GSE1: variants seen among roughly 807,000 people sequenced by gnomAD.
GSE1 encodes genetic suppressor element 1.
Under a neutral mutation model 112.6 loss-of-function variants are expected in GSE1, and 32 were observed. The ratio of observed to expected loss-of-function variants is 0.28; its 90% CI spans 0.21 to 0.38. GSE1 has a LOEUF of 0.38. GSE1 is among the 10% of genes least tolerant of loss of function. The pLI is 1.00. For synonymous variants in GSE1, 1,115 were observed against 735.6 expected (o/e 1.52, Z -8.35); for missense variants, 2,348 against 1,699.2 (o/e 1.38, Z -6.71).
chr16:85,657,949 C>T (rs946918210), intron 8 of GSE1, among the ~76,000 whole-genome samples: 2 of 152,218 alleles, frequency 1.3e-5, no homozygotes, highest in African/African-American at 4.8e-5. Flanking sequence ...CTAATAATAC[C>T]TGTTCTCTCC....
At chr16:85,621,364 C>T (rs186826033) in intron 1 of GSE1, among the ~76,000 whole-genome samples, 8 of 152,362 alleles carry the variant, frequency 5.3e-5, no homozygotes, top group East Asian at 1.9e-4. Flanking sequence ...TTGTGTCCAC[C>T]GCCCCCCGTG....
At chr16:85,670,079 G>C (rs1261347869) in intron 14 of GSE1, among the ~76,000 whole-genome samples, 1 of 152,138 alleles carries the variant, frequency 6.6e-6, no homozygotes, top group Non-Finnish European at 1.5e-5. Flanking sequence ...CCATGAATAT[G>C]GTACAAAACT....
At chr16:85,261,755 T>A (rs1567646707) in intron 1 of GSE1, among the ~76,000 whole-genome samples, 1 of 152,144 alleles carries the variant, frequency 6.6e-6, no homozygotes, top group East Asian at 1.9e-4. Flanking sequence ...GCTAAGCACT[T>A]TGTATGCCAG....
At chr16:85,548,081 T>G (rs1251934462) in intron 2 of GSE1, among the ~76,000 whole-genome samples, 1 of 151,226 alleles carries the variant, frequency 6.6e-6, no homozygotes, top group Non-Finnish European at 1.5e-5. Context: ...CCAAAAAAAT[T>G]AGCTGGGCGT....
intron 2 of GSE1, among the ~76,000 whole-genome samples, chr16:85,429,368 A>AT (rs1430870225): frequency 1.3e-5 from 2 of 152,224 alleles, no homozygotes; most frequent in African/African-American, 4.8e-5. Context: ...GAGCTTCTCC[A>AT]TGCAGGAGTT....
chr16:85,480,272 C>T (rs995673880), intron 2 of GSE1, among the ~76,000 whole-genome samples: 4 of 152,224 alleles, frequency 2.6e-5, no homozygotes, highest in East Asian at 3.8e-4. Flanking sequence ...GGCAGTGTTT[C>T]GATGGGGATG....
At chr16:85,348,650 G>T (rs1000492951) in intron 1 of GSE1, among the ~76,000 whole-genome samples, 1 of 152,242 alleles carries the variant, frequency 6.6e-6, no homozygotes, top group East Asian at 1.9e-4. Flanking sequence ...CTTTCTGTCC[G>T]CTCAGCCTCA....
chr16:85,239,504 C>T (rs146218700), intron 1 of GSE1, among the ~76,000 whole-genome samples: 2 of 152,312 alleles, frequency 1.3e-5, no homozygotes, highest in South Asian at 2.1e-4. Flanking sequence ...TGCCCTGAGT[C>T]CCCCTGGGCT....
At chr16:85,367,844 C>CTT (rs5818532) in intron 2 of GSE1, among the ~76,000 whole-genome samples, 4,745 of 114,948 alleles carry the variant, frequency 0.041, 383 homozygotes, top group African/African-American at 0.14. Context: ...AAATAAGATT[C>CTT]TTTTTTTTTT....
At chr16:85,294,166 TC>T (rs1438023799) in intron 1 of GSE1, among the ~76,000 whole-genome samples, 1 of 152,044 alleles carries the variant, frequency 6.6e-6, no homozygotes, top group Non-Finnish European at 1.5e-5. Context: ...GCAGATGAGA[TC>T]CCCGGGGTCC....
intron 1 of GSE1, among the ~76,000 whole-genome samples, chr16:85,570,193 G>T (rs928382485): frequency 6.6e-6 from 1 of 152,224 alleles, no homozygotes; most frequent in Non-Finnish European, 1.5e-5. Context: ...AAGGTGGGGG[G>T]AGTTCTGGAT....
chr16:85,258,038 G>A (rs1458722983), intron 1 of GSE1, among the ~76,000 whole-genome samples: 1 of 152,170 alleles, frequency 6.6e-6, no homozygotes, highest in Non-Finnish European at 1.5e-5. Flanking sequence ...CTCACTTTGG[G>A]GGTCCTCAGT....
intron 1 of GSE1, among the ~76,000 whole-genome samples, chr16:85,575,894 T>C (rs2046207912): frequency 6.7e-6 from 1 of 149,844 alleles, no homozygotes; most frequent in South Asian, 2.1e-4. Flanking sequence ...GTATGCTGCC[T>C]CGTTTCTGTT....
Position 85,373,646 on chromosome 16 carries a change from G to A in GSE1, c.2464+16003G>A, listed in dbSNP as rs1440880445. On this transcript the variant is annotated intron_variant, in intron 2 of 2. Transcript: ENST00000637419. This position sits in a 1 kb window ranked among gnomAD's most constrained non-coding sequence, Gnocchi z 5.1. ...GGAGGGCCACAGGTATGCTGGCCAC[G>A]GCCTGGAAGAGTCCGCTCAGAGCAG... Among the ~76,000 whole-genome samples the A allele has an allele frequency of 6.6e-6, 1 of 152,142 alleles. No individual in the cohort carries two copies. Among genetic ancestry groups the A allele is most frequent in the African/African-American group, 2.4e-5 (1 of 41,430 alleles).
intron 1 of GSE1, among the ~76,000 whole-genome samples, chr16:85,253,491 T>C (rs1906739448): frequency 1.3e-5 from 2 of 152,226 alleles, no homozygotes; most frequent in Non-Finnish European, 2.9e-5. Context: ...CCTTTGTTCC[T>C]CTGCCTCCTC....
At chr16:85,325,671 C>G (rs1487689252) in intron 1 of GSE1, among the ~76,000 whole-genome samples, 1 of 152,062 alleles carries the variant, frequency 6.6e-6, no homozygotes, top group Non-Finnish European at 1.5e-5. Flanking sequence ...ATGCTAGTCT[C>G]AAACTCCTGA....
rs746094926 is a variant in GSE1, at chr16:85,338,793, C to T, written c.2284-18670C>T. ...GCCCAGAGAGGTTTAATCACTTCCC[C>T]GTGGCCACACAGCCCGCAGTAACCG... On this transcript the variant is annotated intron_variant, in intron 1 of 2. Coordinates refer to the GSE1 transcript ENST00000637419. Among the ~76,000 whole-genome samples the T allele has an allele frequency of 7.2e-5, 11 of 152,270 alleles. No homozygotes were observed. In the South Asian group the frequency reaches 1.5e-3, roughly 20 times the overall value.
chr16:85,207,065 G>A (rs956912344), intron 1 of GSE1, among the ~76,000 whole-genome samples: 22 of 152,218 alleles, frequency 1.4e-4, no homozygotes, highest in African/African-American at 4.3e-4. Context: ...AGGTCCGAGC[G>A]GAGGGCTCTT....
upstream of GSE1, chr16:85,555,572 CCCT>C: frequency 4.3e-6 from 4 of 929,076 alleles, no homozygotes; most frequent in Non-Finnish European, 5.1e-6. Flanking sequence ...CCCGCTCGCC[CCCT>C]CCTCCTCTCC....
Sources: gnomAD v4.1 joint callset for allele counts (sites outside exome capture counted in the v4.1 genomes callset) on GRCh38, gnomAD v4.1.1 for gene constraint, Gnocchi (gnomAD v3.1) non-coding constraint, MANE v1.5 for transcripts, NCBI Gene and HGNC (gene_info 2026-07-23, HGNC 2026-07-21) for gene names.